Variants in NKAIN2 observed in about 807,000 individuals in gnomAD.
The protein encoded by NKAIN2 is sodium/potassium-transporting ATPase subunit beta-1-interacting protein 2.
In NKAIN2, 14 loss-of-function variants were observed where a neutral mutation model predicts 32.6. The ratio of observed to expected loss-of-function variants is 0.43; its 90% CI spans 0.28 to 0.67. The LOEUF (loss-of-function observed/expected upper bound fraction) is 0.67. Among genes scored for constraint, NKAIN2 ranks in the 30% least tolerant of loss-of-function variants. NKAIN2 has a pLI of 0.17. For missense variants in NKAIN2, 198 were observed against 258.3 expected (o/e 0.77, Z 1.60); for synonymous variants, 80 against 87.2 (o/e 0.92, Z 0.46).
chr6:124,646,845 G>A (rs1784188022), intron 3 of NKAIN2, among the ~76,000 whole-genome samples: 1 of 152,112 alleles, frequency 6.6e-6, no homozygotes, highest in Non-Finnish European at 1.5e-5. Flanking sequence ...ATGATACTCA[G>A]GAGGCTGAGG....
intron 4 of NKAIN2, among the ~76,000 whole-genome samples, chr6:124,712,307 A>C (rs1583699659): frequency 8.3e-6 from 1 of 120,224 alleles, no homozygotes; most frequent in Non-Finnish European, 1.8e-5. Context: ...TGGAGCCTAC[A>C]GAGGCAGGCA....
At chr6:124,696,594 G>T (rs188454461) in intron 4 of NKAIN2, among the ~76,000 whole-genome samples, 179 of 152,110 alleles carry the variant, frequency 1.2e-3, no homozygotes, top group Admixed American at 3.7e-3. Flanking sequence ...ATCATCATGG[G>T]AAAACACATA....
At chr6:124,759,852 T>C (rs1431958394) in intron 4 of NKAIN2, among the ~76,000 whole-genome samples, 1 of 151,720 alleles carries the variant, frequency 6.6e-6, no homozygotes, top group African/African-American at 2.4e-5. Context: ...GAGAAAACAT[T>C]CACAAGCAGA....
At chr6:124,396,820 T>C (rs1433346495) in intron 3 of NKAIN2, among the ~76,000 whole-genome samples, 5 of 152,178 alleles carry the variant, frequency 3.3e-5, no homozygotes, top group African/African-American at 1.2e-4. Flanking sequence ...TTTCCCACAG[T>C]GATGGAAAGG....
intron 3 of NKAIN2, among the ~76,000 whole-genome samples, chr6:124,566,770 A>T (rs1780930207): frequency 6.6e-6 from 1 of 152,128 alleles, no homozygotes; most frequent in African/African-American, 2.4e-5. Context: ...GGGTGACATA[A>T]TTGAGTACTA....
chr6:124,088,946 G>A (rs1784308253), intron 1 of NKAIN2, among the ~76,000 whole-genome samples: 1 of 151,942 alleles, frequency 6.6e-6, no homozygotes, highest in Non-Finnish European at 1.5e-5. Context: ...GCACAATAGT[G>A]GGAAGTGTTG....
chr6:124,679,249 CCG>C (rs1228733979), intron 4 of NKAIN2, among the ~76,000 whole-genome samples: 1 of 152,114 alleles, frequency 6.6e-6, no homozygotes, highest in East Asian at 1.9e-4. Flanking sequence ...TACCCTGAAC[CCG>C]GGACAAGGGT....
intron 4 of NKAIN2, among the ~76,000 whole-genome samples, chr6:124,723,933 CCT>C (rs1776150201): frequency 6.6e-6 from 1 of 152,064 alleles, no homozygotes; most frequent in Admixed American, 6.5e-5. Context: ...CTTCTGAAAC[CCT>C]GTCTGCTTTC....
intron 1 of NKAIN2, among the ~76,000 whole-genome samples, chr6:124,024,765 G>T (rs1026547765): frequency 1.3e-5 from 2 of 151,938 alleles, no homozygotes; most frequent in African/African-American, 4.8e-5. Flanking sequence ...GAAGTGGGTG[G>T]ATCAGAAGGT....
chr6:124,479,733 G>T (rs1329025144), intron 3 of NKAIN2, among the ~76,000 whole-genome samples: 1 of 151,950 alleles, frequency 6.6e-6, no homozygotes, highest in South Asian at 2.1e-4. Flanking sequence ...GCCTATAGTC[G>T]CATACAACTT....
rs566821478 is a variant in NKAIN2, at chr6:123,894,325, C to T, written c.54+90071C>T. ...TGTTGGAAATTTCAGCTGTTCAGAT[C>T]CTAGCCTTCTGAATCCTTATAGGCT... On this transcript the variant is annotated intron_variant, in intron 1 of 6. Transcript: ENST00000368417. Among the ~76,000 whole-genome samples the T allele has an allele frequency of 1.2e-4, 18 of 152,218 alleles. No homozygotes were observed. The South Asian group carries it at 3.7e-3, about 32-fold the overall frequency.
intron 1 of NKAIN2, among the ~76,000 whole-genome samples, chr6:123,894,723 GA>G (rs773430447): frequency 2.8e-4 from 42 of 152,154 alleles, no homozygotes; most frequent in Middle Eastern, 3.4e-3. Flanking sequence ...TTCTCTAAAG[GA>G]AACTCATGTG....
intron 5 of NKAIN2, among the ~76,000 whole-genome samples, chr6:124,813,789 TTAAGGATA>T (rs1327057701): frequency 6.6e-6 from 1 of 152,180 alleles, no homozygotes; most frequent in Admixed American, 6.6e-5. Context: ...TAGTTTATTT[TTAAGGATA>T]TAAGGAGATT....
intron 1 of NKAIN2, among the ~76,000 whole-genome samples, chr6:123,911,644 T>G (rs938560280): frequency 6.6e-6 from 1 of 151,958 alleles, no homozygotes; most frequent in Non-Finnish European, 1.5e-5. Flanking sequence ...CATGCCATTA[T>G]TTTATATACA....
intron 4 of NKAIN2, among the ~76,000 whole-genome samples, chr6:124,762,582 C>T (rs1778321843): frequency 6.6e-6 from 1 of 151,964 alleles, no homozygotes; most frequent in Admixed American, 6.6e-5. Flanking sequence ...ATACACGATG[C>T]TTTTTGCTTT....
At chr6:124,450,102 GACAAA>G (rs1282414148) in intron 3 of NKAIN2, among the ~76,000 whole-genome samples, 1 of 151,922 alleles carries the variant, frequency 6.6e-6, no homozygotes, top group Non-Finnish European at 1.5e-5. Context: ...CTTGAAATGG[GACAAA>G]ACAAAGATAT....
intron 1 of NKAIN2, among the ~76,000 whole-genome samples, chr6:123,839,623 C>T (rs770237798): frequency 6.6e-6 from 1 of 152,182 alleles, no homozygotes; most frequent in Non-Finnish European, 1.5e-5. Context: ...ACTACCCTCT[C>T]TCCCACCTAC....
rs1406208253 is a variant in NKAIN2, at chr6:123,966,400, C to T, written c.54+162146C>T. ...AGGAGTCTAGGCAGCACATAAGAGC[C>T]AATTGCCAATTATTTCATGCCCTAA... On this transcript the variant is annotated intron_variant, in intron 1 of 6. Transcript: ENST00000368417. Among the ~76,000 whole-genome samples the T allele has an allele frequency of 2.6e-5, 4 of 152,242 alleles. No homozygotes were observed. In the South Asian group the frequency reaches 8.3e-4, roughly 32 times the overall value.
chr6:124,337,234 C>T (rs540451966), intron 2 of NKAIN2, among the ~76,000 whole-genome samples: 4 of 152,138 alleles, frequency 2.6e-5, no homozygotes, highest in Non-Finnish European at 4.4e-5. Flanking sequence ...TGGTGGCTCA[C>T]GCCTGTAATC....
Sources: gnomAD v4.1 joint callset for allele counts (sites outside exome capture counted in the v4.1 genomes callset) on GRCh38, gnomAD v4.1.1 for gene constraint, MANE v1.5 for transcripts, NCBI Gene and HGNC (gene_info 2026-07-23, HGNC 2026-07-21) for gene names.